Variants in TAOK2 observed in about 807,000 individuals in gnomAD.
TAOK2 encodes TAO kinase 2, also known as serine/threonine-protein kinase TAO2.
TAOK2 carries 42 observed loss-of-function variants against 122.5 expected under a neutral mutation model. That is an observed-to-expected ratio of 0.34 (90% CI 0.27 to 0.44). The LOEUF (loss-of-function observed/expected upper bound fraction) is 0.44, where lower values mean the gene tolerates loss of function less well. TAOK2 is among the 20% of genes least tolerant of loss of function. The probability of loss-of-function intolerance (pLI) is 1.00; values close to 1 mark genes in which losing one functional copy is unlikely to be tolerated. For missense variants in TAOK2, 1,264 were observed against 1,644.9 expected (o/e 0.77, Z 4.01); for synonymous variants, 704 against 677.6 (o/e 1.04, Z -0.61).
rs1596607231 is a variant in TAOK2 at position 29,983,348 on chromosome 16, T to C, written c.1260+16T>C. ...CCGGCTGCCGGTACACAGCTCACCC[T>C]TGGGGGACCCGAGCCACCTGCTCTA... On this transcript the variant is annotated intron_variant, in intron 12 of 15. Transcript: ENST00000308893. 6.3e-7 allele frequency: 1 copy of C among 1,582,624 alleles called. No homozygotes were observed. The highest frequency in any genetic ancestry group is 8.6e-7 in the Non-Finnish European group (1 of 1,168,736).
chr16:29,987,101 C>T lies in TAOK2; in HGVS notation c.2829C>T (p.Leu943=), dbSNP rs199851942. The T allele has an allele frequency of 8.1e-6, 13 of 1,613,150 alleles. No homozygotes were observed. The Middle Eastern group carries it at 5.0e-4, about 61-fold the overall frequency. Residue 943 remains leucine (L), a synonymous_variant, in exon 16 of 16, where the codon CTC becomes CTT. Transcript: ENST00000308893. ...THLRPCPASQ[L]PGLLSHGLLA... ...TGAGGCCCTGCCCTGCCAGCCAGCTCCCTGGACTCCTGTCCCATGGCCTCC... is the reference window on the plus strand; with the variant it reads ...TGAGGCCCTGCCCTGCCAGCCAGCTTCCTGGACTCCTGTCCCATGGCCTCC...
chr16:29,977,960 G>C (rs2069505913), intron 2 of TAOK2, 56 bp downstream of exon 2: 1 of 1,613,090 alleles, frequency 6.2e-7, no homozygotes, highest in African/African-American at 1.3e-5. Flanking sequence ...TATCCCTGTG[G>C]ACTTCCCAAC....
chr16:29,988,242 A>G lies in TAOK2; in HGVS notation c.*262A>G, dbSNP rs1227604061. 4 of 1,452,360 alleles carry G rather than the reference A, an allele frequency of 2.8e-6. No homozygotes were observed. The African/African-American group carries it at 5.7e-5, about 21-fold the overall frequency. The allele number at this position is 1,452,360 out of a possible 1,614,324, so 90.0% of individuals were successfully genotyped here. A position where few individuals can be genotyped will look rare whatever the true frequency, so the allele number is the denominator to read the frequency against. On this transcript the variant is annotated 3_prime_UTR_variant, in exon 16 of 16. Coordinates refer to ENST00000308893, the MANE Select transcript of TAOK2 (RefSeq NM_016151.4). ...TGTGTGCTCATCCTCACCCTCATTG[A>G]CTCAGGCCTGGGGCCAGGGGTGGTG...
In TAOK2 at chr16:29,987,712, T is replaced by G; in HGVS notation, c.3440T>G (p.Leu1147Trp). The G allele has an allele frequency of 6.2e-7, 1 of 1,614,078 alleles. No homozygotes were observed. Among genetic ancestry groups the G allele is most frequent in the Admixed American group, 1.7e-5 (1 of 60,024 alleles). ...ACCACCCAACACCCATTAGCTCTGT[T>G]GGCAAGGGTCTGGGTCCTGTGCAAG... is the stretch of plus-strand genomic sequence containing the variant. ...PRTTQHPLAL[L>W]ARVWVLCKGW... Residue 1147 changes from leucine (L) to tryptophan (W), a missense_variant, in exon 16 of 16, where the codon TTG (leucine) becomes TGG (tryptophan). Transcript: ENST00000308893.
chr16:29,981,559 A>C (rs543203157), intron 8 of TAOK2, 102 bp from the exon 9 acceptor site: 3 of 996,258 alleles, frequency 3.0e-6, no homozygotes, highest in East Asian at 4.8e-5. Flanking sequence ...GTGGCAAGGA[A>C]GTCAAGGAAT....
chr16:29,989,496 C>T, downstream of TAOK2: 1 of 1,575,050 alleles, frequency 6.3e-7, no homozygotes, highest in Non-Finnish European at 8.6e-7. Context: ...TCTCTCTTCT[C>T]CCCATTTCCC....
chr16:29,979,087 C>G lies in TAOK2; in HGVS notation c.449+17C>G. ...GATCCATAGGTACAAGCAGCACCGG[C>G]AGTGCCTGGGAGGGGAGTGCTATCT... On this transcript the variant is annotated intron_variant, in intron 6 of 15. Transcript: ENST00000308893. The surrounding 1 kb of genome is among the most constrained non-coding windows in gnomAD (Gnocchi z 4.1). 6.2e-7 allele frequency: 1 copy of G among 1,614,038 alleles called. No individual in the cohort carries two copies. The highest frequency in any genetic ancestry group is 8.5e-7 in the Non-Finnish European group (1 of 1,179,908).
downstream of TAOK2, chr16:29,989,030 G>A (rs1381735897): frequency 1.1e-5 from 11 of 985,220 alleles, no homozygotes; most frequent in Non-Finnish European, 1.3e-5. Context: ...TTCTCAGCTC[G>A]GTGCTTCTCC....
intron 13 of TAOK2, 147 bp downstream of exon 13, chr16:29,983,811 C>T: frequency 7.8e-7 from 1 of 1,282,944 alleles, no homozygotes; most frequent in East Asian, 2.4e-5. Flanking sequence ...CTCCCCTTAA[C>T]CCTCCTGCTT....
In TAOK2 at chr16:29,987,266, T is replaced by C; in HGVS notation, c.2994T>C (p.Gly998=). The C allele has an allele frequency of 6.5e-7, 1 of 1,527,330 alleles. No homozygotes were observed. Among genetic ancestry groups the C allele is most frequent in the Non-Finnish European group, 8.8e-7 (1 of 1,142,120 alleles). The allele number at this position is 1,527,330 out of a possible 1,614,324, so 94.6% of individuals were successfully genotyped here. ...ALLALEVGLV[G]LGASYLLLCT... is the part of the protein sequence containing the mutation. The stretch of plus-strand genomic sequence containing the variant: ...TGGCCCTTGAGGTGGGGCTGGTGGG[T>C]CTGGGGGCCTCCTACCTGCTCCTTT... The change falls in exon 16 of 16, where the codon GGT becomes GGC. Residue 998 remains glycine (G), a synonymous_variant. Transcript: ENST00000308893.
chr16:29,988,219 T>C lies in TAOK2; in HGVS notation c.*239T>C. 7.0e-7 allele frequency: 1 copy of C among 1,435,360 alleles called. No individual in the cohort carries two copies. The allele number at this position is 1,435,360 out of a possible 1,614,324, so 88.9% of individuals were successfully genotyped here. A position where few individuals can be genotyped will look rare whatever the true frequency, so the allele number is the denominator to read the frequency against. On this transcript the variant is annotated 3_prime_UTR_variant, in exon 16 of 16. Transcript: ENST00000308893. ...AAGTTATTGCTGTTCGCCCGCTGTG[T>C]GTGCTCATCCTCACCCTCATTGACT... is the stretch of plus-strand genomic sequence containing the variant.
Position 29,987,673 on chromosome 16 carries a change from G to T in TAOK2, c.3401G>T (p.Arg1134Leu). The change falls in exon 16 of 16, where the codon CGG (arginine) becomes CTG (leucine). Residue 1134 changes from arginine to leucine, a missense_variant. This residue lies in a region of TAOK2 where 824 missense variants were observed against 908.7 expected (regional missense o/e 0.91). Transcript: ENST00000308893. Reference sequence around the variant, plus strand: ...CGCCTGCCCGTCCCTGGGCCCCGGCGGCGTAATCCCCGCACCACCCAACAC... The same window carrying T: ...CGCCTGCCCGTCCCTGGGCCCCGGCTGCGTAATCCCCGCACCACCCAACAC... The part of the protein sequence containing the change: ...RSRLPVPGPR[R>L]RNPRTTQHPL... The T allele has an allele frequency of 6.2e-7, 1 of 1,613,896 alleles. No individual in the cohort carries two copies. The highest frequency in any genetic ancestry group is 8.5e-7 in the Non-Finnish European group (1 of 1,179,840).
At chr16:29,988,924 G>T (rs1396928915), downstream of TAOK2, 2 of 985,390 alleles carry the variant, frequency 2.0e-6, no homozygotes, top group Non-Finnish European at 2.4e-6. Flanking sequence ...CAGGGTGGTA[G>T]CTGCTGGCCG....
chr16:29,989,671 C>T (rs2069921015), downstream of TAOK2: 1 of 1,613,982 alleles, frequency 6.2e-7, no homozygotes, highest in African/African-American at 1.3e-5. Context: ...TCTGCGAGCA[C>T]ACTTGCTGGA....
Position 29,986,190 on chromosome 16 carries a change from C to T in TAOK2, c.1993-75C>T, listed in dbSNP as rs1438089270. On this transcript the variant is annotated intron_variant, in intron 15 of 15. Transcript: ENST00000308893. The surrounding 1 kb of genome is among the most constrained non-coding windows in gnomAD (Gnocchi z 4.2). ...TGTTTCTTCCGCCATCCCCAGCTCCCTCTGCCAAGGAGCCCTGGCCTCTCA... is the reference window on the plus strand; with the variant it reads ...TGTTTCTTCCGCCATCCCCAGCTCCTTCTGCCAAGGAGCCCTGGCCTCTCA... The T allele has an allele frequency of 7.5e-5, 113 of 1,498,934 alleles. No individual in the cohort carries two copies. Among genetic ancestry groups the T allele is most frequent in the Admixed American group, 1.7e-4 (7 of 41,568 alleles). The allele number at this position is 1,498,934 out of a possible 1,614,324, so 92.9% of individuals were successfully genotyped here. A position where few individuals can be genotyped will look rare whatever the true frequency, so the allele number is the denominator to read the frequency against.
chr16:29,985,756 A>C lies in TAOK2; in HGVS notation c.1887A>C (p.Ala629=), dbSNP rs376415632. ...AGCAGTGCCAGGCGGAGGAGGAAGCAGGGCTGCTGCGGCGGCAGCGCCAGT... is the reference window on the plus strand; with the variant it reads ...AGCAGTGCCAGGCGGAGGAGGAAGCCGGGCTGCTGCGGCGGCAGCGCCAGT... ...QLQQCQAEEE[A]GLLRRQRQYF... The change falls in exon 15 of 16, where the codon GCA becomes GCC. Residue 629 remains alanine (A), a synonymous_variant. Coordinates refer to ENST00000308893, the MANE Select transcript of TAOK2 (RefSeq NM_016151.4). The surrounding 1 kb of genome is among the most constrained non-coding windows in gnomAD (Gnocchi z 6.9). 6.2e-7 allele frequency: 1 copy of C among 1,611,692 alleles called. No individual in the cohort carries two copies. Among genetic ancestry groups the C allele is most frequent in the Non-Finnish European group, 8.5e-7 (1 of 1,179,686 alleles).
rs1364648297 is a variant in TAOK2 at position 29,987,832 on chromosome 16, G to T, written c.3560G>T (p.Arg1187Leu). 5 of 1,612,496 alleles carry T rather than the reference G, an allele frequency of 3.1e-6. No individual in the cohort carries two copies. In the Admixed American group the frequency reaches 5.0e-5, roughly 16 times the overall value. ...ACACTGGCCAGCTGGGGCCTGCTTC[G>T]GGGTGAACGGCCCACCCGAATCCCC... ...IHTLASWGLLRGERPTRIPRL... is the reference protein window; with the variant it reads ...IHTLASWGLLLGERPTRIPRL... Residue 1187 changes from arginine to leucine, a missense_variant, in exon 16 of 16, where the codon CGG becomes CTG. By Grantham distance (102) the Arg-to-Leu change is moderately radical. Around this residue, in one of 4 missense-constraint regions of TAOK2, gnomAD observed 824 missense variants for 908.7 expected, o/e 0.91. Transcript: ENST00000308893.
chr16:29,981,295 G>A (rs567225682), intron 8 of TAOK2: 5 of 529,788 alleles, frequency 9.4e-6, no homozygotes, highest in Non-Finnish European at 1.7e-5. Context: ...GAGGTTCCTT[G>A]AGGGTGGGGC....
downstream of TAOK2, chr16:29,990,935 T>C (rs879427765): frequency 1.1e-5 from 17 of 1,612,842 alleles, no homozygotes; most frequent in Non-Finnish European, 1.4e-5. Context: ...GAGCAGAGGG[T>C]CGCGCTGCGG....
Sources: gnomAD v4.1 joint callset for allele counts on GRCh38, gnomAD v4.1.1 for gene constraint, gnomAD v4.1.1 regional missense constraint, Gnocchi (gnomAD v3.1) non-coding constraint, MANE v1.5 for transcripts, NCBI Gene and HGNC (gene_info 2026-07-23, HGNC 2026-07-21) for gene names.